TBC1D4: variants seen among roughly 807,000 people sequenced by gnomAD.
The protein encoded by TBC1D4 is TBC (Tre-2, BUB2, CDC16) domain-containing protein.
A neutral mutation model predicts 142.5 loss-of-function variants in TBC1D4; 121 were observed. The ratio of observed to expected loss-of-function variants is 0.85; its 90% CI spans 0.73 to 0.99. The LOEUF is 0.99. Ranked by LOEUF, TBC1D4 falls within the 50% of genes least tolerant of loss-of-function variation. The probability of loss-of-function intolerance (pLI) is 0.00; values close to 1 mark genes in which losing one functional copy is unlikely to be tolerated. For synonymous variants in TBC1D4, 630 were observed against 628.2 expected, an observed-to-expected ratio of 1.00 and a Z score of -0.04; for missense variants, 1,475 against 1,606.6, an observed-to-expected ratio of 0.92 and a Z score of 1.40.
intron 1 of TBC1D4, among the ~76,000 whole-genome samples, chr13:75,373,328 T>C (rs1242742044): frequency 6.6e-6 from 1 of 152,204 alleles, no homozygotes; most frequent in African/African-American, 2.4e-5. Flanking sequence ...ATTCAAAGAC[T>C]TCAGGTCCTT....
intron 1 of TBC1D4, among the ~76,000 whole-genome samples, chr13:75,386,537 C>T (rs1272917463): frequency 1.3e-5 from 2 of 151,702 alleles, no homozygotes; most frequent in East Asian, 1.9e-4. Flanking sequence ...TACAGGCATC[C>T]GCCACCAGAC....
At chr13:75,312,044 C>T (rs777035413) in intron 13 of TBC1D4, among the ~76,000 whole-genome samples, 3 of 152,128 alleles carry the variant, frequency 2.0e-5, no homozygotes, top group Non-Finnish European at 4.4e-5. Context: ...TATTTTCTAG[C>T]TCTCAAAGCT....
chr13:75,386,579 A>G (rs1180201310), intron 1 of TBC1D4, among the ~76,000 whole-genome samples: 1 of 151,954 alleles, frequency 6.6e-6, no homozygotes, highest in Non-Finnish European at 1.5e-5. Context: ...TAATAGAGAC[A>G]GGGTTTCACC....
intron 19 of TBC1D4, among the ~76,000 whole-genome samples, chr13:75,289,916 C>T (rs1006024088): frequency 2.6e-5 from 4 of 152,178 alleles, no homozygotes; most frequent in Non-Finnish European, 4.4e-5. Flanking sequence ...AAAAACCTGA[C>T]TTACTCTACT....
chr13:75,368,366 C>T (rs374825398), intron 1 of TBC1D4, among the ~76,000 whole-genome samples: 10 of 152,192 alleles, frequency 6.6e-5, no homozygotes, highest in Non-Finnish European at 1.3e-4. Context: ...ATCTCTGTGA[C>T]TTAAACCAGA....
chr13:75,357,603 C>G (rs1452298224), intron 3 of TBC1D4, among the ~76,000 whole-genome samples: 1 of 152,190 alleles, frequency 6.6e-6, no homozygotes, highest in Non-Finnish European at 1.5e-5. Flanking sequence ...TCGGAGAGTC[C>G]TGAGGCAATG....
At position 75,286,877 on chromosome 13, in the gene TBC1D4, G is replaced by A. The variant is rs1278181210; in HGVS notation, c.3812C>T (p.Ala1271Val). ...CAGGTCACAATTGACTAGAGCATCC[G>A]CGGGCAGCAGCTTCCGGAGTTGCTC... ...TVEQLRKLLP[A>V]DALVNCDLLL... Residue 1271 changes from alanine (A) to valine (V), a missense_variant, in exon 21 of 21, where the codon GCG (alanine) becomes GTG (valine). Around this residue, in one of 2 missense-constraint regions of TBC1D4, gnomAD observed 248 missense variants for 338.9 expected, o/e 0.73. Transcript: ENST00000377636. The A allele has an allele frequency of 6.8e-6, 11 of 1,613,836 alleles. No homozygotes were observed. Among genetic ancestry groups the A allele is most frequent in the African/African-American group, 2.7e-5 (2 of 74,888 alleles).
intron 1 of TBC1D4, among the ~76,000 whole-genome samples, chr13:75,408,873 G>A (rs989197869): frequency 6.6e-6 from 1 of 151,854 alleles, no homozygotes; most frequent in Non-Finnish European, 1.5e-5. Context: ...TACCTTCTTT[G>A]GAAAAATAAC....
At chr13:75,416,524 T>G (rs1040645139) in intron 1 of TBC1D4, among the ~76,000 whole-genome samples, 1 of 152,058 alleles carries the variant, frequency 6.6e-6, no homozygotes, top group African/African-American at 2.4e-5. Flanking sequence ...TCACAGAGCC[T>G]CAAGTGCAGG....
At chr13:75,299,265 T>G in intron 17 of TBC1D4, 65 bp downstream of exon 17, 1 of 1,609,530 alleles carries the variant, frequency 6.2e-7, no homozygotes, top group Non-Finnish European at 8.5e-7. Context: ...CTGTAATAAT[T>G]GAGAAGAGGG....
In TBC1D4 at chr13:75,303,926, G is replaced by C. The variant is rs529786972; in HGVS notation, c.2753-1525C>G. ...ACGTCTATTCATCTTTCATGAATGA[G>C]CTTGAGTGTCACCTTTTCTTTTGAA... On this transcript the variant is annotated intron_variant, in intron 15 of 20. Transcript: ENST00000377636. Among the ~76,000 whole-genome samples the C allele has an allele frequency of 7.2e-5, 11 of 152,232 alleles. No homozygotes were observed. In the South Asian group the frequency reaches 1.5e-3, roughly 20 times the overall value.
intron 1 of TBC1D4, among the ~76,000 whole-genome samples, chr13:75,388,223 G>A (rs1884289377): frequency 6.6e-6 from 1 of 152,066 alleles, no homozygotes; most frequent in South Asian, 2.1e-4. Flanking sequence ...TGCATCTCGA[G>A]GTCCTTAACT....
At chr13:75,431,970 C>T (rs1886608077) in intron 1 of TBC1D4, among the ~76,000 whole-genome samples, 1 of 152,148 alleles carries the variant, frequency 6.6e-6, no homozygotes, top group South Asian at 2.1e-4. Context: ...ATTAGATTTG[C>T]TTGAACTGAG....
rs1265107549 is a variant in TBC1D4 at position 75,349,192 on chromosome 13, A to T, written c.1386T>A (p.His462Gln). 6.2e-7 allele frequency: 1 copy of T among 1,614,084 alleles called. No homozygotes were observed. The highest frequency in any genetic ancestry group is 1.7e-5 in the Admixed American group (1 of 60,004). The change falls in exon 5 of 21, where the codon CAT (histidine) becomes CAA (glutamine). Residue 462 changes from histidine (H) to glutamine (Q), a missense_variant. Physicochemically the swap from His to Gln is conservative, Grantham distance 24. Transcript: ENST00000377636. ...LCEACPMHSL[H>Q]KLCERIEGLY... ...TACCTTCAATCCTTTCACAGAGCTTATGCAAAGAGTGCATCGGGCAGGCCT... is the reference window on the plus strand; with the variant it reads ...TACCTTCAATCCTTTCACAGAGCTTTTGCAAAGAGTGCATCGGGCAGGCCT...
chr13:75,479,317 A>C (rs1888740039), intron 1 of TBC1D4, among the ~76,000 whole-genome samples: 1 of 152,220 alleles, frequency 6.6e-6, no homozygotes, highest in African/African-American at 2.4e-5. Context: ...AAAAGGCAAT[A>C]AACAGGAAAG....
chr13:75,463,676 G>C (rs553975601), intron 1 of TBC1D4, among the ~76,000 whole-genome samples: 2 of 152,116 alleles, frequency 1.3e-5, no homozygotes, highest in African/African-American at 4.8e-5. Context: ...CACAATTACT[G>C]ATATTAAGAT....
chr13:75,464,262 T>C (rs1196760500), intron 1 of TBC1D4, among the ~76,000 whole-genome samples: 1 of 152,200 alleles, frequency 6.6e-6, no homozygotes, highest in Non-Finnish European at 1.5e-5. Flanking sequence ...TGTGACATGT[T>C]CGTGATGGCC....
chr13:75,372,594 TAG>T (rs1883278439), intron 1 of TBC1D4, among the ~76,000 whole-genome samples: 1 of 152,136 alleles, frequency 6.6e-6, no homozygotes, highest in Non-Finnish European at 1.5e-5. Context: ...TTGAAAAACA[TAG>T]TTCAACACCA....
intron 1 of TBC1D4, among the ~76,000 whole-genome samples, chr13:75,479,610 T>A (rs969636093): frequency 1.3e-5 from 2 of 152,000 alleles, no homozygotes; most frequent in South Asian, 2.1e-4. Flanking sequence ...GAAATAACTT[T>A]AACAGAAACC....
Sources: allele counts gnomAD v4.1 joint callset (sites outside exome capture counted in the v4.1 genomes callset), GRCh38; gene constraint gnomAD v4.1.1; regional missense constraint gnomAD v4.1.1; transcripts MANE v1.5; gene names NCBI Gene and HGNC (gene_info 2026-07-23, HGNC 2026-07-21).